FUT9: variants seen among roughly 807,000 people sequenced by gnomAD.
FUT9 encodes the protein fucosyltransferase 9.
A neutral mutation model predicts 29.7 loss-of-function variants in FUT9; 15 were observed. The observed-to-expected ratio is 0.51, with a 90% CI of 0.34 to 0.78. The LOEUF is 0.78. Among genes scored for constraint, FUT9 ranks in the 30% least tolerant of loss-of-function variants. The pLI is 0.01. For synonymous variants in FUT9, 169 were observed against 153.7 expected (o/e 1.10, Z -0.74); for missense variants, 319 against 425.4 (o/e 0.75, Z 2.20).
chr6:96,159,159 T>C (rs945633805), intron 2 of FUT9, among the ~76,000 whole-genome samples: 1 of 152,148 alleles, frequency 6.6e-6, no homozygotes, highest in Non-Finnish European at 1.5e-5. Flanking sequence ...GCTACAGAAA[T>C]CGTATTTTTA....
intron 2 of FUT9, among the ~76,000 whole-genome samples, chr6:96,116,086 C>T (rs1408696731): frequency 2.0e-5 from 3 of 152,134 alleles, no homozygotes; most frequent in Admixed American, 6.5e-5. Flanking sequence ...ATATAAAAAA[C>T]TCTTAAAACG....
At chr6:96,130,459 C>T (rs749986233) in intron 2 of FUT9, among the ~76,000 whole-genome samples, 20 of 152,012 alleles carry the variant, frequency 1.3e-4, no homozygotes, top group Non-Finnish European at 2.6e-4. Flanking sequence ...CCATTTAGTG[C>T]TTTAAAAATT....
chr6:96,095,972 A>G (rs1391797409), intron 1 of FUT9, among the ~76,000 whole-genome samples: 2 of 152,130 alleles, frequency 1.3e-5, no homozygotes, highest in East Asian at 1.9e-4. Context: ...GTCCAGCAAT[A>G]TATGTTTTTG....
chr6:96,215,548 C>G lies in FUT9; in HGVS notation c.*11313C>G, dbSNP rs901323850. The G allele has an allele frequency of 2.4e-5, 4 of 166,378 alleles. No homozygotes were observed. The highest frequency in any genetic ancestry group is 9.7e-5 in the African/African-American group (4 of 41,416). The allele number at this position is 166,378 out of a possible 1,614,324, so 10.3% of individuals were successfully genotyped here. ...CCTTGAATGTGTAAATAATGATGTT[C>G]TATTCTGACCTAATGAATTCCTGTA... On this transcript the variant is annotated 3_prime_UTR_variant, in exon 3 of 3. Coordinates refer to ENST00000302103, the MANE Select transcript of FUT9 (RefSeq NM_006581.4).
intron 2 of FUT9, among the ~76,000 whole-genome samples, chr6:96,188,333 C>T (rs1003095940): frequency 6.6e-6 from 1 of 151,976 alleles, no homozygotes; most frequent in African/African-American, 2.4e-5. Flanking sequence ...GTGGCACAAT[C>T]GTAGCTCACT....
intron 2 of FUT9, among the ~76,000 whole-genome samples, chr6:96,142,189 T>C (rs1391044053): frequency 6.6e-6 from 1 of 152,170 alleles, no homozygotes; most frequent in Non-Finnish European, 1.5e-5. Context: ...AATTTTCTAG[T>C]CCTAAGGCAA....
At chr6:96,056,198 C>T (rs954434558) in intron 1 of FUT9, among the ~76,000 whole-genome samples, 1 of 152,186 alleles carries the variant, frequency 6.6e-6, no homozygotes, top group African/African-American at 2.4e-5. Flanking sequence ...GCCTTGGACT[C>T]TATCTTGTCT....
intron 2 of FUT9, among the ~76,000 whole-genome samples, chr6:96,140,526 G>T (rs4427006): frequency 8.5e-5 from 13 of 152,134 alleles, no homozygotes; most frequent in African/African-American, 2.9e-4. Flanking sequence ...CTGCTATGAA[G>T]AAATACCTGA....
At chr6:96,022,985 A>C (rs1177794455) in intron 1 of FUT9, among the ~76,000 whole-genome samples, 1 of 151,884 alleles carries the variant, frequency 6.6e-6, no homozygotes, top group Non-Finnish European at 1.5e-5. Context: ...AGTCACAGAA[A>C]CTGGTAGCTC....
At chr6:96,193,995 T>C (rs961085793) in intron 2 of FUT9, among the ~76,000 whole-genome samples, 1 of 152,044 alleles carries the variant, frequency 6.6e-6, no homozygotes, top group South Asian at 2.1e-4. Context: ...TAGGTGGGAA[T>C]TGAACAATGA....
chr6:96,043,862 A>T (rs1430525993), intron 1 of FUT9, among the ~76,000 whole-genome samples: 1 of 152,184 alleles, frequency 6.6e-6, no homozygotes, highest in Non-Finnish European at 1.5e-5. Flanking sequence ...AAAAACCAAC[A>T]CATTGCTATC....
chr6:96,202,602 T>C (rs1354874672), intron 2 of FUT9, among the ~76,000 whole-genome samples: 1 of 152,162 alleles, frequency 6.6e-6, no homozygotes, highest in East Asian at 1.9e-4. Flanking sequence ...TTTTACCAGA[T>C]GATTATACTA....
At chr6:96,137,449 G>C (rs989046225) in intron 2 of FUT9, among the ~76,000 whole-genome samples, 3 of 151,996 alleles carry the variant, frequency 2.0e-5, no homozygotes, top group African/African-American at 7.2e-5. Context: ...TCAAGTAGAA[G>C]CATAAATTCC....
chr6:96,093,545 T>C (rs9377368), intron 1 of FUT9, among the ~76,000 whole-genome samples: 103,124 of 151,938 alleles, frequency 0.68, 36,656 homozygotes, highest in East Asian at 0.84. Flanking sequence ...GTTAAGAAAT[T>C]ACATTGAAGA....
chr6:96,073,825 A>G (rs12214839), intron 1 of FUT9, among the ~76,000 whole-genome samples: 43,852 of 152,012 alleles, frequency 0.29, 6,569 homozygotes, highest in Admixed American at 0.35. Context: ...ACCTTGTACA[A>G]CCCTCATCCT....
intron 1 of FUT9, among the ~76,000 whole-genome samples, chr6:96,061,387 CTTTA>C (rs900755122): frequency 3.3e-5 from 5 of 150,698 alleles, no homozygotes; most frequent in Non-Finnish European, 4.4e-5. Flanking sequence ...GTCTTCTCTT[CTTTA>C]TTTGTTTTTA....
chr6:96,133,843 A>C (rs1028096014), intron 2 of FUT9, among the ~76,000 whole-genome samples: 5 of 151,932 alleles, frequency 3.3e-5, no homozygotes, highest in Non-Finnish European at 7.4e-5. Flanking sequence ...TTTTATCTTC[A>C]AAGATATATT....
intron 2 of FUT9, among the ~76,000 whole-genome samples, chr6:96,139,535 C>T (rs376747438): frequency 2.0e-5 from 3 of 152,178 alleles, no homozygotes; most frequent in African/African-American, 7.2e-5. Flanking sequence ...GGGTTCTCAC[C>T]CCACATTTTC....
At chr6:96,160,527 G>C (rs946828305) in intron 2 of FUT9, among the ~76,000 whole-genome samples, 1 of 152,100 alleles carries the variant, frequency 6.6e-6, no homozygotes, top group African/African-American at 2.4e-5. Context: ...TTTTTAAAAA[G>C]TAAGTGCTAT....
Sources: gnomAD v4.1 joint callset for allele counts (sites outside exome capture counted in the v4.1 genomes callset) on GRCh38, gnomAD v4.1.1 for gene constraint, MANE v1.5 for transcripts, NCBI Gene and HGNC (gene_info 2026-07-23, HGNC 2026-07-21) for gene names.